The following SNX24 variants were observed in gnomAD, a reference collection of about 807,000 sequenced individuals.
SNX24 encodes sorting nexin 24, also known as sorting nexin-24.
In SNX24, 22 loss-of-function variants were observed where a neutral mutation model predicts 28.7. The ratio of observed to expected loss-of-function variants is 0.77; its 90% CI spans 0.55 to 1.10. The LOEUF is 1.10. SNX24 is among the 50% of genes least tolerant of loss of function. The pLI is 0.00. For synonymous variants in SNX24, 69 were observed against 71.5 expected, an observed-to-expected ratio of 0.96 and a Z score of 0.18; for missense variants, 221 against 201.1, an observed-to-expected ratio of 1.10 and a Z score of -0.60.
At chr5:122,952,544 G>A (rs778484614) in intron 3 of SNX24, among the ~76,000 whole-genome samples, 4 of 152,120 alleles carry the variant, frequency 2.6e-5, no homozygotes, top group African/African-American at 2.4e-5. Flanking sequence ...ACTAGCAAAG[G>A]AAACCTACCC....
At chr5:122,945,790 C>T (rs1374447119) in intron 2 of SNX24, among the ~76,000 whole-genome samples, 1 of 151,844 alleles carries the variant, frequency 6.6e-6, no homozygotes, top group Admixed American at 6.6e-5. Flanking sequence ...TTTAATTTTT[C>T]AGGAAAAAGG....
chr5:122,933,868 C>A (rs564630854), intron 1 of SNX24, among the ~76,000 whole-genome samples: 1 of 151,798 alleles, frequency 6.6e-6, no homozygotes, highest in African/African-American at 2.4e-5. Flanking sequence ...CCACACCCTC[C>A]GCCTCCTGGG....
At chr5:122,900,258 G>T (rs1231118122) in intron 1 of SNX24, among the ~76,000 whole-genome samples, 1 of 151,900 alleles carries the variant, frequency 6.6e-6, no homozygotes, top group Admixed American at 6.6e-5. Context: ...TACATATACA[G>T]TGTGAAATGA....
At chr5:122,883,854 A>G (rs1238101292) in intron 1 of SNX24, among the ~76,000 whole-genome samples, 1 of 152,054 alleles carries the variant, frequency 6.6e-6, no homozygotes, top group Non-Finnish European at 1.5e-5. Context: ...TGGGTTCTCA[A>G]TCTATTGCCC....
At chr5:122,992,907 AT>A (rs1761913342) in intron 3 of SNX24, among the ~76,000 whole-genome samples, 1 of 151,836 alleles carries the variant, frequency 6.6e-6, no homozygotes, top group South Asian at 2.1e-4. Flanking sequence ...TGATTTTCCA[AT>A]TTCTTTTGTT....
At chr5:122,912,595 G>A (rs546709366) in intron 1 of SNX24, among the ~76,000 whole-genome samples, 20 of 152,258 alleles carry the variant, frequency 1.3e-4, no homozygotes, top group African/African-American at 4.3e-4. Flanking sequence ...GTATGATATT[G>A]GCTGTGGGTT....
At chr5:122,920,439 G>A (rs1758384253) in intron 1 of SNX24, among the ~76,000 whole-genome samples, 1 of 152,242 alleles carries the variant, frequency 6.6e-6, no homozygotes, top group South Asian at 2.1e-4. Flanking sequence ...GAATGGTACA[G>A]TAAGCATGCA....
intron 3 of SNX24, among the ~76,000 whole-genome samples, chr5:122,951,865 G>A (rs1455846038): frequency 6.6e-6 from 1 of 152,194 alleles, no homozygotes; most frequent in Non-Finnish European, 1.5e-5. Context: ...GAGTCTGCGG[G>A]TAAGGCAGAG....
intron 1 of SNX24, among the ~76,000 whole-genome samples, chr5:122,934,952 A>G (rs558287388): frequency 6.6e-6 from 1 of 151,524 alleles, no homozygotes; most frequent in East Asian, 2.0e-4. Flanking sequence ...ATGACATTCC[A>G]TGAAGCAGCC....
At chr5:123,015,033 T>C (rs1033278073) in intron 5 of SNX24, among the ~76,000 whole-genome samples, 1 of 152,238 alleles carries the variant, frequency 6.6e-6, no homozygotes, top group Non-Finnish European at 1.5e-5. Flanking sequence ...CATTATTCTA[T>C]TGTTGCTTCC....
chr5:122,905,835 T>C (rs1757625568), intron 1 of SNX24, among the ~76,000 whole-genome samples: 1 of 152,240 alleles, frequency 6.6e-6, no homozygotes, highest in Admixed American at 6.5e-5. Flanking sequence ...TACCTGACCC[T>C]GACCATTTAC....
intron 1 of SNX24, among the ~76,000 whole-genome samples, chr5:122,894,492 T>C (rs1757117917): frequency 6.6e-6 from 1 of 152,198 alleles, no homozygotes; most frequent in South Asian, 2.1e-4. Context: ...TCATTGGTAG[T>C]GGCACCATGG....
At chr5:123,002,845 G>C (rs2030870789) in intron 6 of SNX24, among the ~76,000 whole-genome samples, 1 of 152,124 alleles carries the variant, frequency 6.6e-6, no homozygotes, top group African/African-American at 2.4e-5. Flanking sequence ...CTCTTTATGA[G>C]CTCATTTGCA....
intron 2 of SNX24, among the ~76,000 whole-genome samples, chr5:122,941,259 T>G (rs1759433017): frequency 6.6e-6 from 1 of 152,170 alleles, no homozygotes; most frequent in Non-Finnish European, 1.5e-5. Context: ...ATTCACAGAT[T>G]CTGGGGATTA....
At position 122,996,160 on chromosome 5, in the gene SNX24, A is replaced by G. The variant is rs552287891; in HGVS notation, c.250-3752A>G. ...ATGCCAAACGTTTTCAACTCAGCCC[A>G]GAGCTGAAGGCATTAATGAATTCTA... On this transcript the variant is annotated intron_variant, in intron 3 of 6. Coordinates refer to ENST00000261369, the MANE Select transcript of SNX24 (RefSeq NM_014035.4). Among the ~76,000 whole-genome samples the G allele has an allele frequency of 5.9e-5, 9 of 152,368 alleles. No individual in the cohort carries two copies. The East Asian group carries it at 1.5e-3, about 26-fold the overall frequency.
intron 1 of SNX24, among the ~76,000 whole-genome samples, chr5:122,913,802 C>T (rs989671565): frequency 3.3e-5 from 5 of 152,312 alleles, no homozygotes; most frequent in African/African-American, 9.6e-5. Context: ...CACACCACTG[C>T]ACTCCAACCT....
intron 1 of SNX24, among the ~76,000 whole-genome samples, chr5:122,906,299 G>T (rs1419928063): frequency 6.6e-6 from 1 of 152,176 alleles, no homozygotes; most frequent in Non-Finnish European, 1.5e-5. Context: ...CCTCCTGTCT[G>T]TCATTGTACA....
chr5:122,974,372 A>C (rs531967949), intron 3 of SNX24, among the ~76,000 whole-genome samples: 3 of 152,216 alleles, frequency 2.0e-5, no homozygotes. Flanking sequence ...TGGAAGGGAA[A>C]ATGGATCAAA....
At chr5:122,862,683 A>G (rs1755526638) in intron 1 of SNX24, among the ~76,000 whole-genome samples, 2 of 150,956 alleles carry the variant, frequency 1.3e-5, no homozygotes, top group African/African-American at 4.9e-5. Flanking sequence ...AAAACAAGGC[A>G]TGTTTTTTTT....
Sources: gnomAD v4.1 joint callset for allele counts (sites outside exome capture counted in the v4.1 genomes callset) on GRCh38, gnomAD v4.1.1 for gene constraint, MANE v1.5 for transcripts, NCBI Gene and HGNC (gene_info 2026-07-23, HGNC 2026-07-21) for gene names.